The following GLT8D2 variants were observed in gnomAD, a reference collection of about 807,000 sequenced individuals.
GLT8D2 encodes the protein glycosyltransferase 8 domain containing 2, also known as glycosyltransferase 8 domain-containing protein 2.
GLT8D2 carries 45 observed loss-of-function variants against 44.5 expected under a neutral mutation model. That is an observed-to-expected ratio of 1.01 (90% CI 0.80 to 1.30). The LOEUF (loss-of-function observed/expected upper bound fraction) is 1.30, where lower values mean the gene tolerates loss of function less well. Ranked by LOEUF, GLT8D2 falls within the 50% of genes most tolerant of loss-of-function variation. The pLI, the probability that GLT8D2 is intolerant of heterozygous loss-of-function variation, is 0.00. For missense variants in GLT8D2, 400 were observed against 430.4 expected (o/e 0.93, Z 0.62); for synonymous variants, 156 against 157.2 (o/e 0.99, Z 0.06).
At chr12:104,045,526 G>A (rs962793137) in intron 1 of GLT8D2, among the ~76,000 whole-genome samples, 1 of 152,200 alleles carries the variant, frequency 6.6e-6, no homozygotes, top group Non-Finnish European at 1.5e-5. Flanking sequence ...GGGCCTGTGA[G>A]TAGGAAGAAA....
At chr12:104,008,588 G>C (rs1022762251) in intron 4 of GLT8D2, among the ~76,000 whole-genome samples, 6 of 152,212 alleles carry the variant, frequency 3.9e-5, no homozygotes, top group African/African-American at 1.4e-4. Context: ...AAAAATTCAA[G>C]CTGGCTGCAG....
At chr12:104,003,343 GA>G in intron 4 of GLT8D2, 37 bp from the exon 5 acceptor site, 1 of 1,589,344 alleles carries the variant, frequency 6.3e-7, no homozygotes, top group Non-Finnish European at 8.6e-7. Flanking sequence ...GAACATGAAA[GA>G]ATTTCACAGT....
At chr12:104,053,389 G>C (rs954943033), upstream of GLT8D2, among the ~76,000 whole-genome samples, 1 of 152,208 alleles carries the variant, frequency 6.6e-6, no homozygotes, top group African/African-American at 2.4e-5. Flanking sequence ...AATGAGAAAA[G>C]AAACAGAGGA....
chr12:104,042,901 T>C (rs1246745124), intron 1 of GLT8D2, among the ~76,000 whole-genome samples: 1 of 152,076 alleles, frequency 6.6e-6, no homozygotes, highest in Admixed American at 6.5e-5. Flanking sequence ...AAGCTTGAGG[T>C]AGAGTAAAAG....
intron 1 of GLT8D2, among the ~76,000 whole-genome samples, chr12:104,022,468 C>A (rs12819539): frequency 9.9e-5 from 15 of 152,192 alleles, no homozygotes; most frequent in Middle Eastern, 3.4e-3. Context: ...TATTAAAAGG[C>A]CTTTTTGTCT....
intron 1 of GLT8D2, among the ~76,000 whole-genome samples, chr12:104,029,513 G>C (rs1463260240): frequency 1.3e-5 from 2 of 152,132 alleles, no homozygotes; most frequent in Admixed American, 6.6e-5. Flanking sequence ...TGTGTAGAAA[G>C]AGAGAGAGTG....
intron 10 of GLT8D2, among the ~76,000 whole-genome samples, chr12:103,993,183 T>C (rs1872986070): frequency 6.6e-6 from 1 of 152,092 alleles, no homozygotes; most frequent in Admixed American, 6.5e-5. Context: ...ATACAGAAAT[T>C]AGCTGGGCGT....
At chr12:104,011,557 T>C (rs890627071) in intron 4 of GLT8D2, among the ~76,000 whole-genome samples, 1 of 152,182 alleles carries the variant, frequency 6.6e-6, no homozygotes, top group Non-Finnish European at 1.5e-5. Flanking sequence ...ACAAGAGAAG[T>C]ATCGGGAGAT....
chr12:104,012,185 A>ATATATATATATATAT (rs1457476166), intron 4 of GLT8D2, among the ~76,000 whole-genome samples: 2 of 86,108 alleles, frequency 2.3e-5, no homozygotes, highest in South Asian at 3.5e-4. Context: ...AAAAAAAAAA[A>ATATATATATATATAT]AAAAATATAT....
At chr12:104,028,564 T>C (rs1266431730) in intron 1 of GLT8D2, among the ~76,000 whole-genome samples, 2 of 152,142 alleles carry the variant, frequency 1.3e-5, no homozygotes, top group African/African-American at 4.8e-5. Context: ...AGCTGCACAA[T>C]GTATAAGAAC....
upstream of GLT8D2, among the ~76,000 whole-genome samples, chr12:104,051,631 T>C (rs1247438451): frequency 6.6e-6 from 1 of 152,160 alleles, no homozygotes; most frequent in African/African-American, 2.4e-5. Context: ...TTTGAAGCTA[T>C]ATATTATTGT....
intron 1 of GLT8D2, among the ~76,000 whole-genome samples, chr12:104,059,268 T>C (rs897780200): frequency 2.0e-5 from 3 of 152,200 alleles, no homozygotes; most frequent in African/African-American, 7.2e-5. Flanking sequence ...TCAGGATCCA[T>C]CTTTTCTTGA....
intron 3 of GLT8D2, among the ~76,000 whole-genome samples, chr12:104,017,061 C>T (rs945125572): frequency 2.0e-5 from 3 of 152,112 alleles, no homozygotes; most frequent in African/African-American, 7.2e-5. Flanking sequence ...ACATATAGCA[C>T]TGGTTGTGCA....
At chr12:104,020,694 T>C (rs1369427931) in intron 2 of GLT8D2, among the ~76,000 whole-genome samples, 2 of 152,142 alleles carry the variant, frequency 1.3e-5, no homozygotes, top group East Asian at 3.9e-4. Context: ...AAAAACTTCA[T>C]TGAGGAGATG....
At chr12:104,057,537 C>T (rs1037940936) in intron 1 of GLT8D2, among the ~76,000 whole-genome samples, 2 of 151,312 alleles carry the variant, frequency 1.3e-5, no homozygotes, top group Non-Finnish European at 2.9e-5. Context: ...AAGCAAAACA[C>T]ATTAATTCTC....
At position 104,029,581 on chromosome 12, in the gene GLT8D2, G is replaced by T. The variant is rs977247622; in HGVS notation, c.-163-8090C>A. Reference sequence around the variant, plus strand: ...TTGGTTGAGCCATTATACTCTTCTTGCAACTTTTCTATAAATTAAAACAAT... The same window carrying T: ...TTGGTTGAGCCATTATACTCTTCTTTCAACTTTTCTATAAATTAAAACAAT... On this transcript the variant is annotated intron_variant, in intron 1 of 10. Coordinates refer to ENST00000360814, the MANE Select transcript of GLT8D2 (RefSeq NM_001384711.1). The T allele has an allele frequency of 3.9e-5, 6 of 152,102 alleles. No homozygotes were observed. The South Asian group carries it at 1.2e-3, about 32-fold the overall frequency. 9.4% of individuals were successfully genotyped at this position (152,102 alleles called of 1,614,324 possible). A position where few individuals can be genotyped will look rare whatever the true frequency, so the allele number is the denominator to read the frequency against.
At chr12:104,010,896 G>T (rs1345074561) in intron 4 of GLT8D2, among the ~76,000 whole-genome samples, 1 of 152,220 alleles carries the variant, frequency 6.6e-6, no homozygotes, top group East Asian at 1.9e-4. Context: ...CTGGGGCTGT[G>T]CCTGGCTGCC....
At chr12:104,004,328 G>T (rs1052195295) in intron 4 of GLT8D2, among the ~76,000 whole-genome samples, 6 of 152,188 alleles carry the variant, frequency 3.9e-5, no homozygotes. Flanking sequence ...ACAAGACAGG[G>T]ATGCCCTCTC....
intron 3 of GLT8D2, among the ~76,000 whole-genome samples, chr12:104,015,893 T>C (rs1173120186): frequency 3.3e-5 from 5 of 151,206 alleles, no homozygotes; most frequent in African/African-American, 9.7e-5. Flanking sequence ...ATCCCAGCTA[T>C]TTGGGAGGCT....
Sources: gnomAD v4.1 joint callset for allele counts (sites outside exome capture counted in the v4.1 genomes callset) on GRCh38, gnomAD v4.1.1 for gene constraint, MANE v1.5 for transcripts, NCBI Gene and HGNC (gene_info 2026-07-23, HGNC 2026-07-21) for gene names.